ADAM18: variants seen among roughly 807,000 people sequenced by gnomAD.
ADAM18 encodes the protein ADAM metallopeptidase domain 18, also known as disintegrin and metalloproteinase domain-containing protein 18.
Under a neutral mutation model 94.4 loss-of-function variants are expected in ADAM18, and 117 were observed. The observed-to-expected ratio is 1.24, with a 90% CI of 1.07 to 1.45. The LOEUF is 1.45. Among genes scored for constraint, ADAM18 ranks in the 40% most tolerant of loss-of-function variants. The pLI, the probability that ADAM18 is intolerant of heterozygous loss-of-function variation, is 0.00. For missense variants in ADAM18, 936 were observed against 880.0 expected (o/e 1.06, Z -0.81); for synonymous variants, 327 against 291.6 (o/e 1.12, Z -1.24).
At chr8:39,645,143 G>A (rs1445577931) in intron 10 of ADAM18, among the ~76,000 whole-genome samples, 195 bp from the exon 11 acceptor site, 1 of 152,144 alleles carries the variant, frequency 6.6e-6, no homozygotes, top group African/African-American at 2.4e-5. Flanking sequence ...GACTATCATA[G>A]TTTGATTACT....
chr8:39,649,621 T>A (rs780672386), intron 12 of ADAM18, among the ~76,000 whole-genome samples: 5 of 152,198 alleles, frequency 3.3e-5, no homozygotes, highest in Non-Finnish European at 5.9e-5. Flanking sequence ...AGAGCAGATA[T>A]AGCCAGTGTC....
At chr8:39,591,367 T>C (rs1563265475) in intron 2 of ADAM18, among the ~76,000 whole-genome samples, 1 of 152,236 alleles carries the variant, frequency 6.6e-6, no homozygotes, top group Non-Finnish European at 1.5e-5. Flanking sequence ...TTGGACTCAA[T>C]CTTCTCCAAC....
At chr8:39,637,460 T>C in intron 8 of ADAM18, 77 bp from the exon 9 acceptor site, 1 of 1,413,840 alleles carries the variant, frequency 7.1e-7, no homozygotes, top group Non-Finnish European at 9.6e-7. Context: ...TACTGGAACA[T>C]GTTGTTTATT....
At chr8:39,698,487 G>A (rs1427276966) in intron 17 of ADAM18, among the ~76,000 whole-genome samples, 1 of 151,888 alleles carries the variant, frequency 6.6e-6, no homozygotes, top group African/African-American at 2.4e-5. Context: ...GTGTCCACTG[G>A]AGACCCTTTT....
intron 10 of ADAM18, among the ~76,000 whole-genome samples, chr8:39,644,708 A>G (rs1820330369): frequency 6.6e-6 from 1 of 152,152 alleles, no homozygotes; most frequent in Non-Finnish European, 1.5e-5. Context: ...CGTATACATA[A>G]TGTTGGGTCA....
At position 39,590,239 on chromosome 8, in the gene ADAM18, G is replaced by A. The variant is rs1036527538; in HGVS notation, c.132+4887G>A. ...AGAAAATGTGGCACATATACACCAT[G>A]GAATACTATGCAGCCATAAAAAATG... On this transcript the variant is annotated intron_variant, in intron 2 of 19. Transcript: ENST00000265707. 9.9e-5 allele frequency among the ~76,000 whole-genome samples: 15 copies of A among 151,590 alleles called. No individual in the cohort carries two copies. The South Asian group carries it at 3.1e-3, about 32-fold the overall frequency.
At chr8:39,656,516 A>G (rs1820688809) in intron 12 of ADAM18, among the ~76,000 whole-genome samples, 1 of 152,178 alleles carries the variant, frequency 6.6e-6, no homozygotes, top group African/African-American at 2.4e-5. Flanking sequence ...GTAAAAAAAC[A>G]CAAAACAAAG....
At chr8:39,585,701 G>T (rs1329426949) in intron 2 of ADAM18, among the ~76,000 whole-genome samples, 2 of 152,110 alleles carry the variant, frequency 1.3e-5, no homozygotes, top group Non-Finnish European at 2.9e-5. Flanking sequence ...GTAGAAATTT[G>T]TCATAAGTAA....
chr8:39,645,438 G>C lies in ADAM18; in HGVS notation c.1010G>C (p.Cys337Ser), dbSNP rs199591632. 3.1e-6 allele frequency: 5 copies of C among 1,612,076 alleles called. No homozygotes were observed. The highest frequency in any genetic ancestry group is 2.7e-5 in the African/African-American group (2 of 74,820). Reference sequence around the variant, plus strand: ...TATGATGACATCACTCAGTGTTTCTGTCTGAGAGCTACATGCATCATGAAT... The same window carrying C: ...TATGATGACATCACTCAGTGTTTCTCTCTGAGAGCTACATGCATCATGAAT... The part of the protein sequence containing the change: ...LTYDDITQCF[C>S]LRATCIMNHE... Residue 337 changes from cysteine to serine, a missense_variant, in exon 11 of 20, where the codon TGT becomes TCT. Cys to Ser is a moderately radical substitution (Grantham distance 112). Coordinates refer to ENST00000265707, the MANE Select transcript of ADAM18 (RefSeq NM_014237.3).
chr8:39,648,068 A>C (rs1225197235), intron 11 of ADAM18, among the ~76,000 whole-genome samples: 1 of 152,202 alleles, frequency 6.6e-6, no homozygotes. Flanking sequence ...AGATGGTTAG[A>C]TATAGAGATA....
At chr8:39,698,769 G>A (rs1821990638) in intron 17 of ADAM18, among the ~76,000 whole-genome samples, 1 of 151,996 alleles carries the variant, frequency 6.6e-6, no homozygotes, top group Admixed American at 6.6e-5. Flanking sequence ...TATGGATTGA[G>A]CTATGTAAAT....
chr8:39,633,687 A>G (rs1014308414), intron 7 of ADAM18, among the ~76,000 whole-genome samples: 2 of 152,186 alleles, frequency 1.3e-5, no homozygotes, highest in East Asian at 3.8e-4. Context: ...AAATCTCTAA[A>G]CAGCAAGGTG....
intron 16 of ADAM18, among the ~76,000 whole-genome samples, chr8:39,683,558 G>T (rs997904576): frequency 6.6e-6 from 1 of 152,148 alleles, no homozygotes; most frequent in Non-Finnish European, 1.5e-5. Flanking sequence ...AAGTGAGCAA[G>T]TTTCTTCATA....
chr8:39,646,910 C>T (rs1373373364), intron 11 of ADAM18, among the ~76,000 whole-genome samples: 1 of 151,886 alleles, frequency 6.6e-6, no homozygotes, highest in Non-Finnish European at 1.5e-5. Flanking sequence ...GAAGAGGGGG[C>T]ACAATTTAAG....
chr8:39,662,569 T>C (rs1820869912), intron 12 of ADAM18, among the ~76,000 whole-genome samples: 1 of 152,134 alleles, frequency 6.6e-6, no homozygotes, highest in Non-Finnish European at 1.5e-5. Context: ...AAATGCAGTG[T>C]TATTTACATA....
chr8:39,670,065 G>A (rs1269522191), intron 14 of ADAM18, among the ~76,000 whole-genome samples: 1 of 152,184 alleles, frequency 6.6e-6, no homozygotes, highest in Non-Finnish European at 1.5e-5. Context: ...CTGATGGCCA[G>A]TGATGATGAG....
At chr8:39,613,503 A>G (rs1222198676) in intron 6 of ADAM18, among the ~76,000 whole-genome samples, 1 of 152,204 alleles carries the variant, frequency 6.6e-6, no homozygotes. Flanking sequence ...AAAACTTTAA[A>G]CAAACATCAA....
intron 14 of ADAM18, among the ~76,000 whole-genome samples, chr8:39,672,595 A>G (rs1396710300): frequency 3.3e-5 from 5 of 152,182 alleles, no homozygotes; most frequent in Admixed American, 2.0e-4. Flanking sequence ...GTCTCAGTAA[A>G]TATCGCAATG....
At chr8:39,718,728 T>TA (rs964328960) in intron 18 of ADAM18, among the ~76,000 whole-genome samples, 15 of 129,742 alleles carry the variant, frequency 1.2e-4, no homozygotes, top group African/African-American at 3.9e-4. Flanking sequence ...CAAAAGAAAA[T>TA]AAAAAATTTC....
Sources: gnomAD v4.1 joint callset for allele counts (sites outside exome capture counted in the v4.1 genomes callset) on GRCh38, gnomAD v4.1.1 for gene constraint, MANE v1.5 for transcripts, NCBI Gene and HGNC (gene_info 2026-07-23, HGNC 2026-07-21) for gene names.